RASGEF1B: variants seen among roughly 807,000 people sequenced by gnomAD.
RASGEF1B encodes RasGEF domain family member 1B, also known as ras-GEF domain-containing family member 1B.
A neutral mutation model predicts 65.7 loss-of-function variants in RASGEF1B; 30 were observed. The ratio of observed to expected loss-of-function variants is 0.46; its 90% CI spans 0.34 to 0.62. The LOEUF (loss-of-function observed/expected upper bound fraction) is 0.62, where lower values mean the gene tolerates loss of function less well. Among genes scored for constraint, RASGEF1B ranks in the 20% least tolerant of loss-of-function variants. The probability of loss-of-function intolerance (pLI) is 0.01; values close to 1 mark genes in which losing one functional copy is unlikely to be tolerated. For synonymous variants in RASGEF1B, 175 were observed against 194.8 expected (o/e 0.90, Z 0.85); for missense variants, 495 against 580.1 (o/e 0.85, Z 1.51).
intron 3 of RASGEF1B, 69 bp from the exon 4 acceptor site, chr4:81,456,857 A>C: frequency 7.4e-7 from 1 of 1,358,974 alleles, no homozygotes; most frequent in Non-Finnish European, 1.0e-6. Context: ...CAATAGTTAC[A>C]AAGAGCGTCA....
At chr4:81,456,427 G>T in intron 4 of RASGEF1B, 1 of 652,644 alleles carries the variant, frequency 1.5e-6, no homozygotes, top group South Asian at 1.7e-5. Context: ...CATGAACATA[G>T]CCCCAAATTA....
At chr4:81,443,599 T>C (rs1721922845) in intron 8 of RASGEF1B, among the ~76,000 whole-genome samples, 1 of 152,252 alleles carries the variant, frequency 6.6e-6, no homozygotes, top group African/African-American at 2.4e-5. Context: ...ATGTTACTTA[T>C]ATGTATCAAT....
intron 1 of RASGEF1B, among the ~76,000 whole-genome samples, chr4:81,466,955 A>G (rs1722860403): frequency 6.7e-6 from 1 of 149,502 alleles, no homozygotes; most frequent in African/African-American, 2.5e-5. Context: ...AAAAAAAAAA[A>G]GAAAAAAAAG....
intron 4 of RASGEF1B, 39 bp from the exon 5 acceptor site, chr4:81,448,323 G>A (rs1415063965): frequency 1.9e-6 from 3 of 1,558,570 alleles, no homozygotes; most frequent in Non-Finnish European, 2.7e-6. Context: ...TACTCTGCGT[G>A]TCTGGTTTTG....
At chr4:81,457,399 C>G in intron 3 of RASGEF1B, 100 bp downstream of exon 3, 1 of 1,167,700 alleles carries the variant, frequency 8.6e-7, no homozygotes, top group Admixed American at 2.0e-5. Flanking sequence ...TTATGCACTT[C>G]AGCCTGGGGA....
intron 1 of RASGEF1B, among the ~76,000 whole-genome samples, chr4:81,470,079 C>A (rs1395758699): frequency 6.6e-6 from 1 of 152,158 alleles, no homozygotes; most frequent in East Asian, 1.9e-4. Flanking sequence ...ACCCTGATAT[C>A]TGTCAAAAGT....
chr4:81,455,490 G>A (rs1457774517), intron 4 of RASGEF1B: 1 of 152,190 alleles, frequency 6.6e-6, no homozygotes, highest in Non-Finnish European at 1.5e-5. Context: ...CACTGAAAGA[G>A]TTCTCAAGGA....
At chr4:81,443,371 C>T (rs2109976479) in intron 8 of RASGEF1B, among the ~76,000 whole-genome samples, 1 of 152,274 alleles carries the variant, frequency 6.6e-6, no homozygotes, top group African/African-American at 2.4e-5. Flanking sequence ...CCATGTATTA[C>T]CACTCCAATC....
At chr4:81,444,439 T>C (rs941158236) in intron 8 of RASGEF1B, among the ~76,000 whole-genome samples, 3 of 152,154 alleles carry the variant, frequency 2.0e-5, no homozygotes, top group African/African-American at 4.8e-5. Flanking sequence ...GAAAAATAAA[T>C]TGGTGGAAGG....
At chr4:81,457,403 C>G in intron 3 of RASGEF1B, 96 bp downstream of exon 3, 1 of 1,233,352 alleles carries the variant, frequency 8.1e-7, no homozygotes, top group Non-Finnish European at 1.2e-6. Flanking sequence ...GCACTTCAGC[C>G]TGGGGATAAG....
intron 8 of RASGEF1B, among the ~76,000 whole-genome samples, chr4:81,442,910 G>T (rs184717111): frequency 6.6e-6 from 1 of 152,322 alleles, no homozygotes; most frequent in African/African-American, 2.4e-5. Flanking sequence ...TGACCCACGG[G>T]TCATAGTTTG....
intron 13 of RASGEF1B, among the ~76,000 whole-genome samples, chr4:81,429,614 C>T (rs1448134402): frequency 6.6e-6 from 1 of 152,174 alleles, no homozygotes; most frequent in African/African-American, 2.4e-5. Context: ...CCGAGACCGC[C>T]GGCAGACAGA....
chr4:81,440,744 TA>T, intron 10 of RASGEF1B, 89 bp downstream of exon 10: 2 of 765,744 alleles, frequency 2.6e-6, no homozygotes, highest in Admixed American at 2.3e-5. Context: ...TCTTAACAAG[TA>T]AAAAAACTTC....
intron 1 of RASGEF1B, 65 bp from the exon 2 acceptor site, chr4:81,459,579 C>T: frequency 8.5e-7 from 1 of 1,180,446 alleles, no homozygotes; most frequent in Non-Finnish European, 1.2e-6. Context: ...TAAAGGTAAG[C>T]TTTAATAGGC....
chr4:81,452,879 T>C (rs547910743), intron 4 of RASGEF1B: 6 of 152,144 alleles, frequency 3.9e-5, no homozygotes, highest in Non-Finnish European at 8.8e-5. Flanking sequence ...AACCACTTCA[T>C]TTTGGGCAAA....
At chr4:81,464,356 C>T (rs1722738711) in intron 1 of RASGEF1B, among the ~76,000 whole-genome samples, 1 of 152,102 alleles carries the variant, frequency 6.6e-6, no homozygotes, top group Non-Finnish European at 1.5e-5. Flanking sequence ...ATTAATTTAC[C>T]ATAAAGTCCA....
intron 11 of RASGEF1B, among the ~76,000 whole-genome samples, 186 bp from the exon 12 acceptor site, chr4:81,434,149 G>A (rs1198758214): frequency 3.9e-5 from 6 of 151,938 alleles, no homozygotes; most frequent in African/African-American, 1.2e-4. Flanking sequence ...TCCTGGGCTC[G>A]AGCAATCCTT....
intron 1 of RASGEF1B, among the ~76,000 whole-genome samples, chr4:81,466,767 AAAAAAAGAAAGAAAG>A (rs1722830595): frequency 7.7e-6 from 1 of 129,482 alleles, no homozygotes; most frequent in Admixed American, 7.9e-5. Flanking sequence ...TCAAAAAAAA[AAAAAAAGAAAGAAAG>A]AAAGAAAGAA....
intron 11 of RASGEF1B, 55 bp from the exon 12 acceptor site, chr4:81,434,018 G>A: frequency 2.1e-6 from 3 of 1,460,602 alleles, no homozygotes; most frequent in Non-Finnish European, 2.9e-6. Context: ...ATAATTATGA[G>A]TTTGGGAGAG....
Sources: allele counts gnomAD v4.1 joint callset (sites outside exome capture counted in the v4.1 genomes callset), GRCh38; gene constraint gnomAD v4.1.1; transcripts MANE v1.5; gene names NCBI Gene and HGNC (gene_info 2026-07-23, HGNC 2026-07-21).